DCLK3: variants seen among roughly 807,000 people sequenced by gnomAD.
DCLK3 encodes serine/threonine-protein kinase DCLK3.
DCLK3 carries 30 observed loss-of-function variants against 46.4 expected under a neutral mutation model. The observed-to-expected ratio is 0.65, with a 90% CI of 0.48 to 0.88. The LOEUF (loss-of-function observed/expected upper bound fraction) is 0.88. Ranked by LOEUF, DCLK3 falls within the 40% of genes least tolerant of loss-of-function variation. The pLI is 0.00. For synonymous variants in DCLK3, 401 were observed against 339.2 expected (o/e 1.18, Z -2.00); for missense variants, 846 against 907.1 (o/e 0.93, Z 0.87).
chr3:36,732,181 T>C (rs886272653), intron 2 of DCLK3, among the ~76,000 whole-genome samples: 1 of 152,230 alleles, frequency 6.6e-6, no homozygotes, highest in Admixed American at 6.5e-5. Flanking sequence ...GGAACCATGC[T>C]TTAAAATTGT....
At chr3:36,752,074 G>A (rs1010216093) in intron 1 of DCLK3, among the ~76,000 whole-genome samples, 3 of 152,196 alleles carry the variant, frequency 2.0e-5, no homozygotes, top group African/African-American at 2.4e-5. Context: ...GCTCTTACAC[G>A]TGTTGGCAGC....
At position 36,714,713 on chromosome 3, in the gene DCLK3, G is replaced by C. The variant is rs1033561323; in HGVS notation, c.*615C>G. ...TTGTTTTTTTTCTTTCCATGTCTCA[G>C]ACTGCACCAAAACTGATTTTTGGTA... is the stretch of plus-strand genomic sequence containing the variant. On this transcript the variant is annotated 3_prime_UTR_variant, in exon 5 of 5. Transcript: ENST00000636136. 2.0e-5 allele frequency: 3 copies of C among 152,218 alleles called. No homozygotes were observed. Among genetic ancestry groups the C allele is most frequent in the African/African-American group, 7.2e-5 (3 of 41,440 alleles). The allele number at this position is 152,218 out of a possible 1,614,324, so 9.4% of individuals were successfully genotyped here.
chr3:36,715,722 T>C (rs1471176445), intron 4 of DCLK3, among the ~76,000 whole-genome samples: 1 of 152,242 alleles, frequency 6.6e-6, no homozygotes, highest in Non-Finnish European at 1.5e-5. Flanking sequence ...TATTGAGCAT[T>C]TGAAATCTGG....
At position 36,713,883 on chromosome 3, in the gene DCLK3, G is replaced by C. The variant is rs1700942099; in HGVS notation, c.*1445C>G. 1 of 152,244 alleles carries C rather than the reference G, an allele frequency of 6.6e-6. No homozygotes were observed. Among genetic ancestry groups the C allele is most frequent in the Non-Finnish European group, 1.5e-5 (1 of 68,080 alleles). The allele number at this position is 152,244 out of a possible 1,614,324, so 9.4% of individuals were successfully genotyped here. Reference sequence around the variant, plus strand: ...CTACAGGGACTAGTCATTTGATATAGCCTGCTTCAGGAGGGAGCTGAAAGG... The same window carrying C: ...CTACAGGGACTAGTCATTTGATATACCCTGCTTCAGGAGGGAGCTGAAAGG... On this transcript the variant is annotated 3_prime_UTR_variant, in exon 5 of 5. Transcript: ENST00000636136.
chr3:36,717,951 A>AAAAACC lies in DCLK3; in HGVS notation c.2260+58_2260+59insGGTTTT. On this transcript the variant is annotated intron_variant, in intron 4 of 4. Coordinates refer to ENST00000636136, the MANE Select transcript of DCLK3 (RefSeq NM_001394672.2). ...CCAGGCACAGTGGTGGGTCCTCTAC[A>AAAAACC]CATCTGACCTGAAAAACCCATCCGC... The AAAAACC allele has an allele frequency of 1.1e-5, 18 of 1,604,804 alleles. No homozygotes were observed. In the Middle Eastern group the frequency reaches 8.3e-4, roughly 74 times the overall value.
chr3:36,725,968 C>T (rs75741490), intron 2 of DCLK3, among the ~76,000 whole-genome samples: 166 of 152,242 alleles, frequency 1.1e-3, no homozygotes, highest in South Asian at 3.1e-3. Flanking sequence ...TATGTCCTGT[C>T]CTCCTCCCCC....
Position 36,738,076 on chromosome 3 carries a change from T to G in DCLK3, c.1091A>C (p.Glu364Ala). Residue 364 changes from glutamate to alanine, a missense_variant, in exon 2 of 5, where the codon GAG (glutamate) becomes GCG (alanine). By Grantham distance (107) the Glu-to-Ala change is moderately radical. Coordinates refer to ENST00000636136, the MANE Select transcript of DCLK3 (RefSeq NM_001394672.2). ...GTGGCTGTCACCCTTCCACCCTTCC[T>G]CCCCACTTGCAGGATTTGCCTCGGG... is the stretch of plus-strand genomic sequence containing the variant. ...RSPEANPASGEEGWKGDSHRS... is the reference protein window; with the variant it reads ...RSPEANPASGAEGWKGDSHRS... 1 of 1,613,638 alleles carries G rather than the reference T, an allele frequency of 6.2e-7. No individual in the cohort carries two copies. Among genetic ancestry groups the G allele is most frequent in the Non-Finnish European group, 8.5e-7 (1 of 1,179,812 alleles).
At chr3:36,741,022 C>T (rs750955944) in intron 1 of DCLK3, among the ~76,000 whole-genome samples, 32 of 152,176 alleles carry the variant, frequency 2.1e-4, no homozygotes, top group Non-Finnish European at 4.3e-4. Context: ...TACTGATCTT[C>T]CCACACACCA....
chr3:36,756,275 A>C lies in DCLK3; in HGVS notation c.82+7907T>G, dbSNP rs115942269. Among the ~76,000 whole-genome samples, 1,060 of 152,198 alleles carry C rather than the reference A, an allele frequency of 7.0e-3. 2 individuals are homozygous for C. The highest frequency in any genetic ancestry group is 9.6e-3 in the Non-Finnish European group (656 of 67,984). ...GAGGGGCAAGGAAACTGTGATATTCACCCATCCATTCCCTTCCATTGGTGG... is the reference window on the plus strand; with the variant it reads ...GAGGGGCAAGGAAACTGTGATATTCCCCCATCCATTCCCTTCCATTGGTGG... On this transcript the variant is annotated intron_variant, in intron 1 of 4. Transcript: ENST00000636136.
rs1209877270 is a variant in DCLK3, at chr3:36,714,796, T to G, written c.*532A>C. On this transcript the variant is annotated 3_prime_UTR_variant, in exon 5 of 5. Coordinates refer to ENST00000636136, the MANE Select transcript of DCLK3 (RefSeq NM_001394672.2). ...TCCTAAATAAACAGGTCTTGTCAAC[T>G]AATCAAGTGTCCTTCACATCTATAT... The G allele has an allele frequency of 2.0e-5, 3 of 152,580 alleles. No individual in the cohort carries two copies. The highest frequency in any genetic ancestry group is 2.9e-5 in the Non-Finnish European group (2 of 68,282). The allele number at this position is 152,580 out of a possible 1,614,324, so 9.5% of individuals were successfully genotyped here. A position where few individuals can be genotyped will look rare whatever the true frequency, so the allele number is the denominator to read the frequency against.
In DCLK3 at chr3:36,737,382, T is replaced by C. The variant is rs570611854; in HGVS notation, c.1785A>G (p.Glu595=). ...KLHEVYETDM[E]IYLILEYVQG... is the part of the protein sequence containing the mutation. ...GCACGTACTCCAGGATCAGGTAGAT[T>C]TCCATGTCTGTTTCGTAGACTTCAT... Residue 595 remains glutamate (E), a synonymous_variant, in exon 2 of 5, where the codon GAA becomes GAG. Transcript: ENST00000636136. This position sits in a 1 kb window ranked among gnomAD's most constrained non-coding sequence, Gnocchi z 4.4. 6.2e-7 allele frequency: 1 copy of C among 1,614,196 alleles called. No individual in the cohort carries two copies. The highest frequency in any genetic ancestry group is 8.5e-7 in the Non-Finnish European group (1 of 1,180,038).
chr3:36,756,688 G>C (rs55669078), intron 1 of DCLK3, among the ~76,000 whole-genome samples: 75,476 of 151,784 alleles, frequency 0.5, 18,963 homozygotes, highest in South Asian at 0.54. Context: ...GAAATCTGCT[G>C]CTCCAACCAA....
chr3:36,726,267 G>A (rs1001662313), intron 2 of DCLK3, among the ~76,000 whole-genome samples: 1 of 151,906 alleles, frequency 6.6e-6, no homozygotes, highest in Admixed American at 6.6e-5. Flanking sequence ...ACCCACACAC[G>A]TAAGGCCCTG....
chr3:36,759,016 G>A (rs1404060089), intron 1 of DCLK3, among the ~76,000 whole-genome samples: 2 of 152,120 alleles, frequency 1.3e-5, no homozygotes, highest in South Asian at 4.1e-4. Context: ...TATTTGTTTT[G>A]GTTATGTGGT....
Position 36,737,234 on chromosome 3 carries a change from G to T in DCLK3, c.1933C>A (p.Arg645=), listed in dbSNP as rs373553939. 6.2e-7 allele frequency: 1 copy of T among 1,613,572 alleles called. No individual in the cohort carries two copies. Among genetic ancestry groups the T allele is most frequent in the South Asian group, 1.1e-5 (1 of 91,058 alleles). The change falls in exon 2 of 5, where the codon CGG becomes AGG. Residue 645 remains arginine (R), a synonymous_variant. Coordinates refer to ENST00000636136, the MANE Select transcript of DCLK3 (RefSeq NM_001394672.2). This position sits in a 1 kb window ranked among gnomAD's most constrained non-coding sequence, Gnocchi z 4.4. ...VHMHDKSIVH[R]DLKPENLLVQ... ...AAAAGGTTTTCCGGCTTGAGGTCCC[G>T]GTGGACAATGCTCTTGTCGTGCATG... is the stretch of plus-strand genomic sequence containing the variant.
At chr3:36,749,289 T>C (rs1701419065) in intron 1 of DCLK3, among the ~76,000 whole-genome samples, 1 of 152,198 alleles carries the variant, frequency 6.6e-6, no homozygotes, top group South Asian at 2.1e-4. Flanking sequence ...TGGGGCTACT[T>C]TCCCTTCAGC....
chr3:36,733,813 C>A (rs938404917), intron 2 of DCLK3, among the ~76,000 whole-genome samples: 6 of 152,148 alleles, frequency 3.9e-5, no homozygotes, highest in African/African-American at 1.4e-4. Context: ...TAAAATTTTA[C>A]TCTAGGGCAC....
chr3:36,715,455 A>G lies in DCLK3; in HGVS notation c.2327T>C (p.Val776Ala). The G allele has an allele frequency of 6.2e-7, 1 of 1,611,030 alleles. No individual in the cohort carries two copies. Among genetic ancestry groups the G allele is most frequent in the Non-Finnish European group, 8.5e-7 (1 of 1,178,630 alleles). ...TGTTTCGATCCAGGGGTGCTGAAGAACCTGATGAGCTGTGTAGCGCTTTTT... is the reference window on the plus strand; with the variant it reads ...TGTTTCGATCCAGGGGTGCTGAAGAGCCTGATGAGCTGTGTAGCGCTTTTT... ...DPKKRYTAHQ[V>A]LQHPWIETAG... The change falls in exon 5 of 5, where the codon GTT becomes GCT. Residue 776 changes from valine (V) to alanine (A), a missense_variant. By Grantham distance (64) the Val-to-Ala change is moderately conservative. Around this residue, in one of 3 missense-constraint regions of DCLK3, gnomAD observed 247 missense variants for 322.8 expected, o/e 0.77. Coordinates refer to ENST00000636136, the MANE Select transcript of DCLK3 (RefSeq NM_001394672.2).
chr3:36,732,302 A>T (rs1171775570), intron 2 of DCLK3, among the ~76,000 whole-genome samples: 1 of 152,234 alleles, frequency 6.6e-6, no homozygotes, highest in Non-Finnish European at 1.5e-5. Context: ...CCTCAAGATG[A>T]TCCAGTATCT....
Sources: gnomAD v4.1 joint callset for allele counts (sites outside exome capture counted in the v4.1 genomes callset) on GRCh38, gnomAD v4.1.1 for gene constraint, gnomAD v4.1.1 regional missense constraint, Gnocchi (gnomAD v3.1) non-coding constraint, MANE v1.5 for transcripts, NCBI Gene and HGNC (gene_info 2026-07-23, HGNC 2026-07-21) for gene names.